The following LTBP1 variants were observed in gnomAD, a reference collection of about 807,000 sequenced individuals.
The protein encoded by LTBP1 is latent transforming growth factor beta binding protein 1.
A neutral mutation model predicts 207.6 loss-of-function variants in LTBP1; 129 were observed. The observed-to-expected ratio is 0.62, with a 90% CI of 0.54 to 0.72. LTBP1 has a LOEUF of 0.72. Among genes scored for constraint, LTBP1 ranks in the 30% least tolerant of loss-of-function variants. The pLI is 0.00. For synonymous variants in LTBP1, 963 were observed against 833.7 expected, an observed-to-expected ratio of 1.16 and a Z score of -2.67; for missense variants, 2,281 against 2,217.2, an observed-to-expected ratio of 1.03 and a Z score of -0.58.
At chr2:33,257,584 C>A (rs1344163123) in intron 12 of LTBP1, 73 bp downstream of exon 12, 19 of 1,248,008 alleles carry the variant, frequency 1.5e-5, no homozygotes, top group Middle Eastern at 2.2e-4. Context: ...CTGTTTATAA[C>A]CCTCTAGAAC....
chr2:33,257,416 A>G lies in LTBP1; in HGVS notation c.2300A>G (p.Lys767Arg). 6.2e-7 allele frequency: 1 copy of G among 1,614,236 alleles called. No individual in the cohort carries two copies. The highest frequency in any genetic ancestry group is 8.5e-7 in the Non-Finnish European group (1 of 1,180,032). The change falls in exon 12 of 34, where the codon AAA becomes AGA. Residue 767 changes from lysine (K) to arginine (R), a missense_variant. By Grantham distance (26) the Lys-to-Arg change is conservative. Coordinates refer to ENST00000404816, the MANE Select transcript of LTBP1 (RefSeq NM_206943.4). ...CCAAAGAACACTCAACCTGTTGCTA[A>G]AAGTACTCATCCTCCACCTCTCCCA... ...VKPKNTQPVAKSTHPPPLPAK... is the reference protein window; with the variant it reads ...VKPKNTQPVARSTHPPPLPAK...
chr2:33,081,369 A>G (rs1245859956), intron 3 of LTBP1, among the ~76,000 whole-genome samples: 2 of 152,080 alleles, frequency 1.3e-5, no homozygotes, highest in African/African-American at 2.4e-5. Context: ...AGATATACAT[A>G]TACACACATG....
chr2:33,032,157 A>G (rs965225888), intron 3 of LTBP1, among the ~76,000 whole-genome samples: 5 of 152,242 alleles, frequency 3.3e-5, no homozygotes, highest in Admixed American at 6.5e-5. Context: ...ATGATATGTA[A>G]TCTTATCCTC....
At chr2:33,039,642 C>A (rs2076089970) in intron 3 of LTBP1, among the ~76,000 whole-genome samples, 1 of 152,132 alleles carries the variant, frequency 6.6e-6, no homozygotes, top group Admixed American at 6.5e-5. Context: ...TTGTCTAAAT[C>A]ATTGAGAAAT....
intron 2 of LTBP1, among the ~76,000 whole-genome samples, chr2:32,970,745 T>C (rs1572878091): frequency 9.7e-6 from 1 of 102,598 alleles, no homozygotes; most frequent in Non-Finnish European, 2.2e-5. Context: ...TTTGGGCTCT[T>C]TTTTTTTTGT....
intron 3 of LTBP1, among the ~76,000 whole-genome samples, chr2:33,030,611 A>T (rs1312557419): frequency 6.6e-6 from 1 of 152,208 alleles, no homozygotes; most frequent in Non-Finnish European, 1.5e-5. Context: ...ATAAAGTTGA[A>T]ACACTTCACA....
At chr2:33,341,796 T>C (rs75589877) in intron 24 of LTBP1, among the ~76,000 whole-genome samples, 8,586 of 149,692 alleles carry the variant, frequency 0.057, 822 homozygotes, top group African/African-American at 0.2. Context: ...ATTTTATTAA[T>C]AGTAACTCTC....
intron 3 of LTBP1, among the ~76,000 whole-genome samples, chr2:33,109,628 T>C (rs541579922): frequency 2.0e-5 from 3 of 152,340 alleles, no homozygotes; most frequent in South Asian, 4.1e-4. Context: ...CCAGAAGTCT[T>C]GACTCGTGCT....
intron 3 of LTBP1, among the ~76,000 whole-genome samples, chr2:33,068,545 A>G (rs1411442595): frequency 6.6e-6 from 1 of 152,146 alleles, no homozygotes; most frequent in Non-Finnish European, 1.5e-5. Flanking sequence ...CCATTACAGC[A>G]TCCTACAGAG....
intron 9 of LTBP1, among the ~76,000 whole-genome samples, chr2:33,222,408 T>C (rs1396336630): frequency 6.6e-6 from 1 of 152,234 alleles, no homozygotes; most frequent in Non-Finnish European, 1.5e-5. Context: ...TGGATCACAT[T>C]AGAGAGCACA....
chr2:33,011,803 A>G (rs1687707480), intron 2 of LTBP1, among the ~76,000 whole-genome samples: 1 of 152,058 alleles, frequency 6.6e-6, no homozygotes, highest in Admixed American at 6.6e-5. Flanking sequence ...AGAATATATT[A>G]TAATTTATCC....
chr2:33,038,671 A>C (rs2076038860), intron 3 of LTBP1, among the ~76,000 whole-genome samples: 2 of 152,342 alleles, frequency 1.3e-5, no homozygotes, highest in South Asian at 4.1e-4. Flanking sequence ...TATTTTAAAG[A>C]GTTCGAGTTC....
chr2:33,228,623 A>G (rs560303482), intron 9 of LTBP1, among the ~76,000 whole-genome samples: 2 of 151,732 alleles, frequency 1.3e-5, no homozygotes, highest in Non-Finnish European at 2.9e-5. Flanking sequence ...TCAATTAGAC[A>G]TTGAGACACA....
At chr2:33,140,027 A>G (rs1019053384) in intron 5 of LTBP1, among the ~76,000 whole-genome samples, 1 of 152,020 alleles carries the variant, frequency 6.6e-6, no homozygotes, top group Non-Finnish European at 1.5e-5. Context: ...TAGCTAGGAA[A>G]CTCATGTTTT....
In LTBP1 at chr2:33,257,370, A is replaced by G. The variant is rs749000713; in HGVS notation, c.2254A>G (p.Lys752Glu). The G allele has an allele frequency of 2.0e-5, 32 of 1,614,058 alleles. No homozygotes were observed. The highest frequency in any genetic ancestry group is 2.5e-6 in the Non-Finnish European group (3 of 1,180,000). Residue 752 changes from lysine (K) to glutamate (E), a missense_variant, in exon 12 of 34, where the codon AAA (lysine) becomes GAA (glutamate). Lys to Glu is a moderately conservative substitution (Grantham distance 56, BLOSUM62 1). Transcript: ENST00000404816. ...RRRPIHHHVG[K>E]GPVFVKPKNT... ...CAGGCCAATCCATCACCATGTAGGTAAAGGACCTGTATTTGTCAAGCCAAA... is the reference window on the plus strand; with the variant it reads ...CAGGCCAATCCATCACCATGTAGGTGAAGGACCTGTATTTGTCAAGCCAAA...
In LTBP1 at chr2:33,159,256, T is replaced by C. The variant is rs184569335; in HGVS notation, c.1201+24296T>C. Among the ~76,000 whole-genome samples the C allele has an allele frequency of 3.0e-3, 464 of 152,276 alleles. 1 individual carries two copies. The highest frequency in any genetic ancestry group is 6.2e-3 in the Admixed American group (95 of 15,298). ...GTCCTATCACAAATAATGAAAAATA[T>C]GGGTCCTTTCAGCATACAGATGACT... On this transcript the variant is annotated intron_variant, in intron 5 of 33. Coordinates refer to ENST00000404816, the MANE Select transcript of LTBP1 (RefSeq NM_206943.4).
At chr2:33,060,372 A>T (rs191620227) in intron 3 of LTBP1, among the ~76,000 whole-genome samples, 26 of 152,272 alleles carry the variant, frequency 1.7e-4, no homozygotes, top group South Asian at 1.2e-3. Context: ...ACGTATCTCT[A>T]GGGGTATTTG....
chr2:33,320,031 A>G (rs1025472224), intron 24 of LTBP1, among the ~76,000 whole-genome samples: 1 of 152,136 alleles, frequency 6.6e-6, no homozygotes, highest in African/African-American at 2.4e-5. Context: ...AAAGATCCCC[A>G]CTTACTTAGA....
intron 5 of LTBP1, among the ~76,000 whole-genome samples, chr2:33,141,381 A>G (rs1355741352): frequency 2.0e-5 from 3 of 152,246 alleles, no homozygotes; most frequent in African/African-American, 4.8e-5. Context: ...GAACGTACTT[A>G]GCACTCCTGA....
Sources: gnomAD v4.1 joint callset for allele counts (sites outside exome capture counted in the v4.1 genomes callset) on GRCh38, gnomAD v4.1.1 for gene constraint, MANE v1.5 for transcripts, NCBI Gene and HGNC (gene_info 2026-07-23, HGNC 2026-07-21) for gene names.